The following SPTBN1 variants were observed in gnomAD, a reference collection of about 807,000 sequenced individuals.
SPTBN1 encodes spectrin beta, non-erythrocytic 1, also known as spectrin beta chain, non-erythrocytic 1.
A neutral mutation model predicts 266.4 loss-of-function variants in SPTBN1; 32 were observed. That is an observed-to-expected ratio of 0.12 (90% CI 0.09 to 0.16). The LOEUF (loss-of-function observed/expected upper bound fraction) is 0.16, where lower values mean the gene tolerates loss of function less well. Ranked by LOEUF, SPTBN1 falls within the 10% of genes least tolerant of loss-of-function variation. The pLI is 1.00. For synonymous variants in SPTBN1, 1,336 were observed against 1,162.2 expected, an observed-to-expected ratio of 1.15 and a Z score of -3.04; for missense variants, 2,296 against 3,067.1, an observed-to-expected ratio of 0.75 and a Z score of 5.94.
intron 4 of SPTBN1, among the ~76,000 whole-genome samples, chr2:54,614,126 C>T (rs1677414390): frequency 6.6e-6 from 1 of 152,162 alleles, no homozygotes; most frequent in African/African-American, 2.4e-5. Context: ...GCATAGGCTG[C>T]TGATGTTACC....
intron 3 of SPTBN1, among the ~76,000 whole-genome samples, chr2:54,609,365 T>G (rs1677066743): frequency 6.6e-6 from 1 of 152,196 alleles, no homozygotes; most frequent in Non-Finnish European, 1.5e-5. Context: ...TTTCATAATT[T>G]CCTTCATTGG....
At chr2:54,498,513 A>G (rs1430949733) in intron 1 of SPTBN1, among the ~76,000 whole-genome samples, 3 of 152,142 alleles carry the variant, frequency 2.0e-5, no homozygotes, top group Non-Finnish European at 4.4e-5. Context: ...TAAAGTGATA[A>G]AAAGATAATA....
chr2:54,657,108 T>C (rs1304818045), intron 29 of SPTBN1, among the ~76,000 whole-genome samples: 1 of 152,230 alleles, frequency 6.6e-6, no homozygotes, highest in East Asian at 1.9e-4. Context: ...CAGTGTTAAC[T>C]ATAGCAGAAA....
chr2:54,536,174 T>C (rs1671589558), intron 2 of SPTBN1, among the ~76,000 whole-genome samples: 1 of 152,332 alleles, frequency 6.6e-6, no homozygotes, highest in Non-Finnish European at 1.5e-5. Flanking sequence ...CCTTTGCCAG[T>C]TTTCTACCAA....
intron 11 of SPTBN1, 45 bp from the exon 12 acceptor site, chr2:54,625,886 CG>C (rs761789406): frequency 2.5e-6 from 4 of 1,577,584 alleles, no homozygotes; most frequent in Non-Finnish European, 2.6e-6. Flanking sequence ...CTACTGTGCC[CG>C]GGTGGATTTT....
intron 2 of SPTBN1, chr2:54,527,907 A>G (rs1670921577): frequency 6.6e-6 from 1 of 152,260 alleles, no homozygotes; most frequent in Non-Finnish European, 1.5e-5. Context: ...CAACCAAACA[A>G]GTTGGCTAGA....
Position 54,645,017 on chromosome 2 carries a change from G to C in SPTBN1, c.4270-212G>C. On this transcript the variant is annotated intron_variant, in intron 20 of 35. Transcript: ENST00000356805. The surrounding 1 kb of genome is among the most constrained non-coding windows in gnomAD (Gnocchi z 4.3). ...AAATAACTGTTTATATTATATCACC[G>C]TAGAGGGCTTTAAGGGCAAATGAAT... 1.7e-6 allele frequency: 1 copy of C among 583,660 alleles called. No individual in the cohort carries two copies. Among genetic ancestry groups the C allele is most frequent in the Non-Finnish European group, 3.0e-6 (1 of 329,716 alleles). 36.2% of individuals were successfully genotyped at this position (583,660 alleles called of 1,614,324 possible).
At chr2:54,592,703 T>C (rs934364414) in intron 2 of SPTBN1, among the ~76,000 whole-genome samples, 6 of 152,224 alleles carry the variant, frequency 3.9e-5, no homozygotes, top group Non-Finnish European at 7.3e-5. Flanking sequence ...CATCCTTTTT[T>C]TCTAATACAT....
chr2:54,656,468 C>T (rs1317047287), intron 29 of SPTBN1, among the ~76,000 whole-genome samples: 1 of 152,136 alleles, frequency 6.6e-6, no homozygotes, highest in Non-Finnish European at 1.5e-5. Flanking sequence ...GTTTATTCCC[C>T]AAAGTGACCC....
chr2:54,551,252 G>A (rs1222241116), intron 2 of SPTBN1, among the ~76,000 whole-genome samples: 2 of 152,208 alleles, frequency 1.3e-5, no homozygotes, highest in Non-Finnish European at 1.5e-5. Flanking sequence ...GAGGTGAAAA[G>A]CAGAACCAAG....
At chr2:54,574,869 A>C (rs1674349727) in intron 2 of SPTBN1, among the ~76,000 whole-genome samples, 1 of 152,174 alleles carries the variant, frequency 6.6e-6, no homozygotes, top group Admixed American at 6.5e-5. Flanking sequence ...CCAGGCATAA[A>C]CCAGGTACCT....
At chr2:54,511,162 T>C (rs562769256) in intron 1 of SPTBN1, among the ~76,000 whole-genome samples, 8 of 152,336 alleles carry the variant, frequency 5.3e-5, no homozygotes, top group Admixed American at 1.3e-4. Flanking sequence ...TCTAAACTTA[T>C]GGCAATATTT....
intron 1 of SPTBN1, among the ~76,000 whole-genome samples, chr2:54,472,171 G>A (rs1693962901): frequency 6.6e-6 from 1 of 151,688 alleles, no homozygotes; most frequent in Non-Finnish European, 1.5e-5. Context: ...GGGACTACAG[G>A]CACCCACCAC....
At chr2:54,612,731 C>T (rs1023504463) in intron 4 of SPTBN1, among the ~76,000 whole-genome samples, 3 of 152,164 alleles carry the variant, frequency 2.0e-5, no homozygotes, top group Non-Finnish European at 4.4e-5. Context: ...CAACTTCACT[C>T]AACTATGACA....
At chr2:54,667,565 T>C in intron 34 of SPTBN1, 39 bp from the exon 35 acceptor site, 1 of 1,600,908 alleles carries the variant, frequency 6.2e-7, no homozygotes, top group South Asian at 1.1e-5. Context: ...TATTTCTCTG[T>C]AATTAAGTGG....
At chr2:54,609,653 G>A (rs985359563) in intron 3 of SPTBN1, among the ~76,000 whole-genome samples, 1 of 152,070 alleles carries the variant, frequency 6.6e-6, no homozygotes, top group Non-Finnish European at 1.5e-5. Context: ...GTTGTGTTTA[G>A]GGGCCAGTAG....
At chr2:54,538,552 C>A (rs1411476073) in intron 2 of SPTBN1, among the ~76,000 whole-genome samples, 4 of 152,226 alleles carry the variant, frequency 2.6e-5, no homozygotes, top group African/African-American at 9.6e-5. Context: ...TTTTCATCCT[C>A]TGGTTGAGAA....
Position 54,463,775 on chromosome 2 carries a change from T to A in SPTBN1, c.-48+7257T>A, listed in dbSNP as rs191641164. 3.8e-3 allele frequency among the ~76,000 whole-genome samples: 581 copies of A among 152,330 alleles called. 2 individuals are homozygous for A. The highest frequency in any genetic ancestry group is 5.2e-3 in the Non-Finnish European group (354 of 68,028). On this transcript the variant is annotated intron_variant, in intron 1 of 35. Transcript: ENST00000356805. ...GTATATTCTAGCAAATAACAATCAT[T>A]TAGATAAATAATGCTAAGTTCCATC...
intron 19 of SPTBN1, 38 bp downstream of exon 19, chr2:54,643,167 C>CA: frequency 4.3e-6 from 7 of 1,612,036 alleles, no homozygotes; most frequent in Non-Finnish European, 5.1e-6. Context: ...GGTGAGAAAA[C>CA]AAACAGGGTA....
Sources: gnomAD v4.1 joint callset for allele counts (sites outside exome capture counted in the v4.1 genomes callset) on GRCh38, gnomAD v4.1.1 for gene constraint, Gnocchi (gnomAD v3.1) non-coding constraint, MANE v1.5 for transcripts, NCBI Gene and HGNC (gene_info 2026-07-23, HGNC 2026-07-21) for gene names.